The following HCN1 variants were observed in gnomAD, a reference collection of about 807,000 sequenced individuals.
HCN1 encodes the protein potassium/sodium hyperpolarization-activated cyclic nucleotide-gated channel 1.
In HCN1, 13 loss-of-function variants were observed where a neutral mutation model predicts 78.9. The ratio of observed to expected loss-of-function variants is 0.16; its 90% CI spans 0.11 to 0.26. HCN1 has a LOEUF of 0.26. HCN1 is among the 10% of genes least tolerant of loss of function. The pLI, the probability that HCN1 is intolerant of heterozygous loss-of-function variation, is 1.00. For missense variants in HCN1, 810 were observed against 1,154.3 expected (o/e 0.70, Z 4.32); for synonymous variants, 552 against 455.5 (o/e 1.21, Z -2.70).
At chr5:45,679,103 A>G (rs1360040486) in intron 1 of HCN1, among the ~76,000 whole-genome samples, 1 of 152,092 alleles carries the variant, frequency 6.6e-6, no homozygotes, top group African/African-American at 2.4e-5. Flanking sequence ...GGATCAGCAT[A>G]TGACTGAATA....
At chr5:45,288,914 A>T (rs1745319184) in intron 6 of HCN1, among the ~76,000 whole-genome samples, 1 of 152,138 alleles carries the variant, frequency 6.6e-6, no homozygotes, top group South Asian at 2.1e-4. Context: ...CTAGAGACAG[A>T]GTTGAAATGA....
chr5:45,273,021 G>A (rs543141114), intron 6 of HCN1, among the ~76,000 whole-genome samples: 1 of 152,088 alleles, frequency 6.6e-6, no homozygotes, highest in African/African-American at 2.4e-5. Flanking sequence ...TCCCAGTGGT[G>A]TAATAACTGT....
intron 2 of HCN1, among the ~76,000 whole-genome samples, chr5:45,496,366 T>C (rs1381388893): frequency 1.3e-5 from 2 of 151,944 alleles, no homozygotes; most frequent in Non-Finnish European, 2.9e-5. Context: ...CCATTTCTTC[T>C]AGATTTTCTA....
intron 1 of HCN1, among the ~76,000 whole-genome samples, chr5:45,670,263 C>CAAATAAT (rs1746123995): frequency 1.3e-5 from 2 of 151,600 alleles, no homozygotes; most frequent in Non-Finnish European, 3.0e-5. Flanking sequence ...ACTGCATCTC[C>CAAATAAT]AAATAACGCT....
In HCN1 at chr5:45,693,012, A is replaced by T. The variant is rs139799980; in HGVS notation, c.425+2657T>A. Among the ~76,000 whole-genome samples the T allele has an allele frequency of 4.7e-3, 722 of 152,300 alleles. 7 individuals are homozygous for T. The highest frequency in any genetic ancestry group is 0.017 in the African/African-American group (699 of 41,570). ...AGTTGTTAAATGATTAATGAACTTA[A>T]GTTTGACATTTTAGGAATTGTAGTA... is the stretch of plus-strand genomic sequence containing the variant. On this transcript the variant is annotated intron_variant, in intron 1 of 7. Coordinates refer to ENST00000303230, the MANE Select transcript of HCN1 (RefSeq NM_021072.4).
intron 1 of HCN1, among the ~76,000 whole-genome samples, chr5:45,646,461 C>G (rs1446919830): frequency 1.3e-5 from 2 of 149,698 alleles, no homozygotes; most frequent in Non-Finnish European, 3.0e-5. Flanking sequence ...ACCTCCGCCT[C>G]CCAAGTTCAA....
chr5:45,278,604 A>T (rs1418049247), intron 6 of HCN1, among the ~76,000 whole-genome samples: 1 of 152,164 alleles, frequency 6.6e-6, no homozygotes, highest in African/African-American at 2.4e-5. Context: ...GAGTTTAAAA[A>T]GTTTGTATGT....
At chr5:45,309,552 T>C (rs1017509630) in intron 5 of HCN1, among the ~76,000 whole-genome samples, 1 of 152,182 alleles carries the variant, frequency 6.6e-6, no homozygotes, top group African/African-American at 2.4e-5. Flanking sequence ...CAATACCTAA[T>C]TTATTAACAG....
chr5:45,555,932 A>G (rs1298281214), intron 2 of HCN1, among the ~76,000 whole-genome samples: 1 of 151,972 alleles, frequency 6.6e-6, no homozygotes, highest in Non-Finnish European at 1.5e-5. Context: ...ATTTTCAACA[A>G]AAGTGCCAAG....
At chr5:45,293,306 G>A (rs1334414231) in intron 6 of HCN1, among the ~76,000 whole-genome samples, 1 of 151,906 alleles carries the variant, frequency 6.6e-6, no homozygotes, top group Non-Finnish European at 1.5e-5. Flanking sequence ...GGTTTGAGAT[G>A]TTATCTCATT....
intron 4 of HCN1, among the ~76,000 whole-genome samples, chr5:45,359,218 A>G (rs1747064487): frequency 2.0e-5 from 3 of 152,064 alleles, no homozygotes; most frequent in African/African-American, 7.2e-5. Context: ...CATTCCTGGA[A>G]GACAGGGATA....
At chr5:45,302,155 A>G (rs1745640112) in intron 6 of HCN1, among the ~76,000 whole-genome samples, 1 of 152,114 alleles carries the variant, frequency 6.6e-6, no homozygotes, top group Non-Finnish European at 1.5e-5. Context: ...TGTCCCCCCA[A>G]CAAATTTCAT....
At chr5:45,344,273 A>G (rs1561115449) in intron 5 of HCN1, among the ~76,000 whole-genome samples, 1 of 152,102 alleles carries the variant, frequency 6.6e-6, no homozygotes, top group African/African-American at 2.4e-5. Flanking sequence ...ACCTCCCATG[A>G]CATGTAGGGA....
chr5:45,350,171 C>A (rs1382853064), intron 5 of HCN1, among the ~76,000 whole-genome samples: 1 of 152,124 alleles, frequency 6.6e-6, no homozygotes, highest in African/African-American at 2.4e-5. Flanking sequence ...AAAAGGTTAT[C>A]CACCGCGATC....
chr5:45,356,242 A>AAAGC (rs1469851700), intron 4 of HCN1, among the ~76,000 whole-genome samples: 1 of 152,012 alleles, frequency 6.6e-6, no homozygotes, highest in Non-Finnish European at 1.5e-5. Flanking sequence ...AGATTTTTGA[A>AAAGC]AAGCAAGGAT....
At chr5:45,523,712 C>T (rs369827378) in intron 2 of HCN1, among the ~76,000 whole-genome samples, 4 of 151,852 alleles carry the variant, frequency 2.6e-5, no homozygotes, top group African/African-American at 9.7e-5. Context: ...GGTTTGTTTG[C>T]TTTTTTCTTG....
intron 3 of HCN1, among the ~76,000 whole-genome samples, chr5:45,454,644 T>C (rs1701557600): frequency 6.6e-6 from 1 of 152,070 alleles, no homozygotes; most frequent in South Asian, 2.1e-4. Flanking sequence ...ATATTTTTAA[T>C]TAAGAGATTT....
rs1315891368 is a variant in HCN1, at chr5:45,262,473, A to C, written c.2121T>G (p.Pro707=). The C allele has an allele frequency of 6.2e-7, 1 of 1,613,004 alleles. No homozygotes were observed. Among genetic ancestry groups the C allele is most frequent in the Admixed American group, 1.7e-5 (1 of 59,950 alleles). ...CSYTTAVCSP[P]VQSPLAARTF... is the part of the protein sequence containing the mutation. ...TTCGAGCGGCCAGAGGGCTCTGTAC[A>C]GGAGGGCTGCAGACCGCGGTGGTGT... The change falls in exon 8 of 8, where the codon CCT becomes CCG. Residue 707 remains proline, a synonymous_variant. Coordinates refer to ENST00000303230, the MANE Select transcript of HCN1 (RefSeq NM_021072.4).
intron 1 of HCN1, among the ~76,000 whole-genome samples, chr5:45,680,572 C>T (rs1739684262): frequency 6.6e-6 from 1 of 152,044 alleles, no homozygotes; most frequent in Admixed American, 6.6e-5. Context: ...GGGATATTTT[C>T]CCTGCATAAA....
Sources: allele counts gnomAD v4.1 joint callset (sites outside exome capture counted in the v4.1 genomes callset), GRCh38; gene constraint gnomAD v4.1.1; transcripts MANE v1.5; gene names NCBI Gene and HGNC (gene_info 2026-07-23, HGNC 2026-07-21).